Variants in TEX10 observed in about 807,000 individuals in gnomAD.
The protein encoded by TEX10 is testis expressed 10, also known as testis-expressed protein 10.
A neutral mutation model predicts 104.4 loss-of-function variants in TEX10; 24 were observed. The ratio of observed to expected loss-of-function variants is 0.23; its 90% CI spans 0.17 to 0.32. TEX10 has a LOEUF of 0.32. TEX10 is among the 10% of genes least tolerant of loss of function. The pLI is 1.00. For missense variants in TEX10, 921 were observed against 1,083.9 expected, an observed-to-expected ratio of 0.85 and a Z score of 2.11; for synonymous variants, 396 against 393.4, an observed-to-expected ratio of 1.01 and a Z score of -0.08.
In TEX10 at chr9:100,318,124, A is replaced by C. The variant is rs142224414; in HGVS notation, c.2202+2141T>G. Among the ~76,000 whole-genome samples, 542 of 152,298 alleles carry C rather than the reference A, an allele frequency of 3.6e-3. 1 individual carries two copies. The highest frequency in any genetic ancestry group is 0.012 in the African/African-American group (510 of 41,572). On this transcript the variant is annotated intron_variant, in intron 11 of 14. Coordinates refer to ENST00000374902, the MANE Select transcript of TEX10 (RefSeq NM_017746.4). ...CACTCCCACTACCAAGTATGTACCC[A>C]AAGGAAAAGAAATAATTACATCAAA...
rs774524535 is a variant in TEX10, at chr9:100,308,883, T to C, written c.2284-202A>G. Among the ~76,000 whole-genome samples the C allele has an allele frequency of 6.6e-5, 10 of 152,226 alleles. 1 individual carries two copies. The highest frequency in any genetic ancestry group is 1.3e-4 in the Admixed American group (2 of 15,280). On this transcript the variant is annotated intron_variant, in intron 12 of 14. Transcript: ENST00000374902. ...CCTAAATTATATGACTTTGAAAACA[T>C]GCAAACACAAGAAGTGCTATTAACC...
At chr9:100,303,504 T>G in intron 14 of TEX10, 128 bp downstream of exon 14, 1 of 851,120 alleles carries the variant, frequency 1.2e-6, no homozygotes, top group East Asian at 2.5e-5. Flanking sequence ...AACTACCATA[T>G]TGGGATTAAT....
chr9:100,325,966 T>C (rs1471836654), intron 9 of TEX10, among the ~76,000 whole-genome samples: 1 of 152,242 alleles, frequency 6.6e-6, no homozygotes, highest in African/African-American at 2.4e-5. Flanking sequence ...CATTAAATTC[T>C]GAGCTCTCTG....
intron 2 of TEX10, among the ~76,000 whole-genome samples, chr9:100,347,854 T>TG: frequency 6.6e-6 from 1 of 151,966 alleles, no homozygotes; most frequent in African/African-American, 2.4e-5. Flanking sequence ...ATGTAACCTT[T>TG]GGGAAAAAAA....
At chr9:100,346,021 T>C (rs1835291072) in intron 4 of TEX10, 51 bp downstream of exon 4, 2 of 1,543,670 alleles carry the variant, frequency 1.3e-6, no homozygotes, top group South Asian at 2.5e-5. Flanking sequence ...TCTTGCCATT[T>C]ATGATAAAAG....
At chr9:100,347,614 G>A (rs1168150288) in intron 2 of TEX10, among the ~76,000 whole-genome samples, 1 of 152,066 alleles carries the variant, frequency 6.6e-6, no homozygotes, top group African/African-American at 2.4e-5. Context: ...ATTTTCAGTT[G>A]GAATTTTCTC....
At chr9:100,343,775 G>T (rs1835232423) in intron 4 of TEX10, among the ~76,000 whole-genome samples, 1 of 152,150 alleles carries the variant, frequency 6.6e-6, no homozygotes, top group African/African-American at 2.4e-5. Context: ...CAGTTTCTGA[G>T]AGAAAAAGAG....
In TEX10 at chr9:100,352,882, G is replaced by T. The variant is rs1420399203; in HGVS notation, c.-120C>A. Reference sequence around the variant, plus strand: ...GACCTCAGGCTCTAGCTCCCGGAGCGTGTTTTCAAATAGCCTCGTCCTCAC... The same window carrying T: ...GACCTCAGGCTCTAGCTCCCGGAGCTTGTTTTCAAATAGCCTCGTCCTCAC... On this transcript the variant is annotated 5_prime_UTR_variant, in exon 1 of 15. Transcript: ENST00000374902. 1 of 996,776 alleles carries T rather than the reference G, an allele frequency of 1.0e-6. No individual in the cohort carries two copies. Among genetic ancestry groups the T allele is most frequent in the Non-Finnish European group, 1.2e-6 (1 of 838,264 alleles). 61.7% of individuals were successfully genotyped at this position (996,776 alleles called of 1,614,324 possible).
chr9:100,333,656 AC>A lies in TEX10; in HGVS notation c.1251-3488del, dbSNP rs1398962217. Among the ~76,000 whole-genome samples the A allele has an allele frequency of 2.9e-3, 415 of 145,558 alleles. 1 individual carries two copies. The highest frequency in any genetic ancestry group is 9.8e-3 in the African/African-American group (385 of 39,114). On this transcript the variant is annotated intron_variant, in intron 5 of 14. Coordinates refer to ENST00000374902, the MANE Select transcript of TEX10 (RefSeq NM_017746.4). Reference sequence around the variant, plus strand: ...CATCATAAAAAAAAAAAAAAAAAAAACCACAACAAAAAAATGCACTAAAGCA... The same window carrying A: ...CATCATAAAAAAAAAAAAAAAAAAAACACAACAAAAAAATGCACTAAAGCA...
chr9:100,308,602 A>G lies in TEX10; in HGVS notation c.2363T>C (p.Val788Ala), dbSNP rs746747243. 6.2e-7 allele frequency: 1 copy of G among 1,613,402 alleles called. No individual in the cohort carries two copies. Among genetic ancestry groups the G allele is most frequent in the Non-Finnish European group, 8.5e-7 (1 of 1,179,582 alleles). The change falls in exon 13 of 15, where the codon GTA (valine) becomes GCA (alanine). Residue 788 changes from valine (V) to alanine (A), a missense_variant. This residue lies in a region of TEX10 where 753 missense variants were observed against 868.4 expected (regional missense o/e 0.87). Coordinates refer to ENST00000374902, the MANE Select transcript of TEX10 (RefSeq NM_017746.4). ...AAATGGCAGTAGAGTCTCACTAACT[A>G]CACAAGTATGATCCAGGAGCTTACA... ...VICKLLDHTC[V>A]VSETLLPFLA...
chr9:100,319,887 A>C (rs552785477), intron 11 of TEX10, among the ~76,000 whole-genome samples: 1 of 152,232 alleles, frequency 6.6e-6, no homozygotes, highest in African/African-American at 2.4e-5. Flanking sequence ...TTTTAAATTT[A>C]ATTTCAATAA....
chr9:100,304,404 G>A (rs1834092284), intron 13 of TEX10: 1 of 154,436 alleles, frequency 6.5e-6, no homozygotes, highest in African/African-American at 2.4e-5. Context: ...ACAGAAAAGA[G>A]AACCCAGAAA....
intron 4 of TEX10, among the ~76,000 whole-genome samples, chr9:100,345,869 AT>A (rs1835287869): frequency 2.3e-4 from 1 of 4,256 alleles, no homozygotes; most frequent in African/African-American, 0.012. Context: ...TTTCACTTAA[AT>A]ATATATATAT....
intron 5 of TEX10, among the ~76,000 whole-genome samples, chr9:100,332,547 C>T (rs575837750): frequency 1.9e-4 from 29 of 152,288 alleles, no homozygotes; most frequent in Admixed American, 3.9e-4. Context: ...ACAGGCCGGG[C>T]GCAGTGGCTC....
chr9:100,323,156 AATTT>A (rs1489050316), intron 9 of TEX10, among the ~76,000 whole-genome samples: 5 of 152,226 alleles, frequency 3.3e-5, no homozygotes, highest in African/African-American at 7.2e-5. Flanking sequence ...AGGGGCAGCA[AATTT>A]ATTTAACAGC....
At chr9:100,330,305 C>T in intron 5 of TEX10, 136 bp from the exon 6 acceptor site, 1 of 703,246 alleles carries the variant, frequency 1.4e-6, no homozygotes, top group African/African-American at 1.8e-5. Context: ...AAGATAGGTG[C>T]ATAGGCAAGA....
At chr9:100,340,678 T>C (rs1488126285) in intron 4 of TEX10, among the ~76,000 whole-genome samples, 1 of 152,188 alleles carries the variant, frequency 6.6e-6, no homozygotes, top group African/African-American at 2.4e-5. Flanking sequence ...GTTTATGAAA[T>C]ATACAAGAAA....
intron 1 of TEX10, among the ~76,000 whole-genome samples, chr9:100,352,045 C>T (rs915849256): frequency 3.9e-5 from 6 of 152,124 alleles, no homozygotes; most frequent in Non-Finnish European, 7.3e-5. Flanking sequence ...AAAGGCAGAT[C>T]CTAGCGTTTT....
chr9:100,329,335 T>G, intron 6 of TEX10, 60 bp from the exon 7 acceptor site: 1 of 1,561,074 alleles, frequency 6.4e-7, no homozygotes, highest in Non-Finnish European at 8.6e-7. Context: ...AGCCCCCAAA[T>G]TCCTCTGAAT....
Sources: gnomAD v4.1 joint callset for allele counts (sites outside exome capture counted in the v4.1 genomes callset) on GRCh38, gnomAD v4.1.1 for gene constraint, gnomAD v4.1.1 regional missense constraint, MANE v1.5 for transcripts, NCBI Gene and HGNC (gene_info 2026-07-23, HGNC 2026-07-21) for gene names.